The following TBC1D22A variants were observed in gnomAD, a reference collection of about 807,000 sequenced individuals.
TBC1D22A encodes TBC1 domain family member 22A.
Under a neutral mutation model 60.2 loss-of-function variants are expected in TBC1D22A, and 38 were observed. The observed-to-expected ratio is 0.63, with a 90% CI of 0.49 to 0.83. The LOEUF is 0.83. Ranked by LOEUF, TBC1D22A falls within the 40% of genes least tolerant of loss-of-function variation. The probability of loss-of-function intolerance (pLI) is 0.00; values close to 1 mark genes in which losing one functional copy is unlikely to be tolerated. For synonymous variants in TBC1D22A, 302 were observed against 281.7 expected, an observed-to-expected ratio of 1.07 and a Z score of -0.72; for missense variants, 628 against 701.0, an observed-to-expected ratio of 0.90 and a Z score of 1.18.
intron 5 of TBC1D22A, among the ~76,000 whole-genome samples, chr22:46,886,352 A>G (rs1296300181): frequency 1.3e-5 from 2 of 152,174 alleles, no homozygotes; most frequent in African/African-American, 4.8e-5. Context: ...CTTGGCAGCT[A>G]GGCTGTTCTG....
At chr22:46,788,846 C>A (rs559732461) in intron 1 of TBC1D22A, 7 of 152,218 alleles carry the variant, frequency 4.6e-5, no homozygotes, top group African/African-American at 1.7e-4. Flanking sequence ...CTTCAAGGGG[C>A]CAGACTCTTT....
chr22:46,839,883 T>C, intron 4 of TBC1D22A, among the ~76,000 whole-genome samples: 1 of 152,172 alleles, frequency 6.6e-6, no homozygotes, highest in South Asian at 2.1e-4. Context: ...TTGGGAAAAG[T>C]AGATATTCCC....
chr22:46,912,745 C>T (rs1272646785), intron 8 of TBC1D22A, among the ~76,000 whole-genome samples: 7 of 152,138 alleles, frequency 4.6e-5, no homozygotes, highest in South Asian at 2.1e-4. Context: ...TTAGTAGAGA[C>T]GGGCTTTCAC....
intron 12 of TBC1D22A, among the ~76,000 whole-genome samples, chr22:47,167,094 A>G (rs1279773283): frequency 6.6e-6 from 1 of 152,262 alleles, no homozygotes; most frequent in Non-Finnish European, 1.5e-5. Flanking sequence ...TGGATAAGTA[A>G]AAAATAAATC....
chr22:46,912,579 C>T (rs1460243515), intron 8 of TBC1D22A, among the ~76,000 whole-genome samples: 2 of 152,108 alleles, frequency 1.3e-5, no homozygotes, highest in African/African-American at 2.4e-5. Flanking sequence ...TATTTTGAGA[C>T]GGAGTGTTGC....
chr22:46,799,534 T>C (rs2084807645), intron 4 of TBC1D22A, among the ~76,000 whole-genome samples: 1 of 152,362 alleles, frequency 6.6e-6, no homozygotes, highest in East Asian at 1.9e-4. Flanking sequence ...CCACAGTCCA[T>C]AGTCACATTC....
intron 4 of TBC1D22A, among the ~76,000 whole-genome samples, chr22:46,812,793 A>G (rs1211772791): frequency 2.0e-5 from 3 of 152,268 alleles, no homozygotes; most frequent in African/African-American, 4.8e-5. Flanking sequence ...TTCAGTTGAC[A>G]AGAAAACGTT....
chr22:47,172,078 CCT>C (rs2147239761), intron 12 of TBC1D22A, among the ~76,000 whole-genome samples: 1 of 151,248 alleles, frequency 6.6e-6, no homozygotes, highest in Middle Eastern at 3.4e-3. Flanking sequence ...TCCCAGTGAG[CCT>C]ACCCAGCACT....
intron 8 of TBC1D22A, among the ~76,000 whole-genome samples, chr22:46,962,478 C>T (rs1394003496): frequency 6.6e-5 from 10 of 152,336 alleles, no homozygotes; most frequent in East Asian, 1.9e-4. Flanking sequence ...TCTGCTCTTT[C>T]ACCTGCCAAT....
At chr22:47,104,358 C>A (rs1051653265) in intron 11 of TBC1D22A, among the ~76,000 whole-genome samples, 1 of 151,474 alleles carries the variant, frequency 6.6e-6, no homozygotes, top group Non-Finnish European at 1.5e-5. Flanking sequence ...TTCTTCCAGG[C>A]CCTCCCAATC....
At chr22:46,806,494 T>C (rs565292207) in intron 4 of TBC1D22A, among the ~76,000 whole-genome samples, 1 of 150,372 alleles carries the variant, frequency 6.7e-6, no homozygotes, top group Admixed American at 6.6e-5. Context: ...ATTTAAAAAA[T>C]ATTTAAAAAT....
In TBC1D22A at chr22:47,028,483, G is replaced by A. The variant is rs1266771551; in HGVS notation, c.1202-8588G>A. On this transcript the variant is annotated intron_variant, in intron 10 of 12. Coordinates refer to ENST00000337137, the MANE Select transcript of TBC1D22A (RefSeq NM_014346.5). This position sits in a 1 kb window ranked among gnomAD's most constrained non-coding sequence, Gnocchi z 4.4. ...CCCCCACGGCCCAGGTTCTGAGAGC[G>A]AGTGGTCGCATTCCTGTCCCTCGGT... 2.2e-5 allele frequency among the ~76,000 whole-genome samples: 3 copies of A among 137,258 alleles called. No homozygotes were observed. Among genetic ancestry groups the A allele is most frequent in the South Asian group, 2.5e-4 (1 of 4,018 alleles). The allele number at this position is 137,258 out of a possible 152,430, so 90.0% of individuals were successfully genotyped here.
intron 8 of TBC1D22A, among the ~76,000 whole-genome samples, chr22:46,929,083 A>G (rs2071207420): frequency 6.6e-6 from 1 of 152,206 alleles, no homozygotes; most frequent in African/African-American, 2.4e-5. Flanking sequence ...AAATAATTTA[A>G]TTATGTGGTA....
chr22:46,948,726 G>A (rs971350664), intron 8 of TBC1D22A, among the ~76,000 whole-genome samples: 26 of 152,254 alleles, frequency 1.7e-4, no homozygotes, highest in Admixed American at 3.9e-4. Flanking sequence ...GATAGTTGCT[G>A]AAACGGAGCC....
chr22:47,065,117 TC>T (rs1472658185), intron 11 of TBC1D22A, among the ~76,000 whole-genome samples: 3 of 152,166 alleles, frequency 2.0e-5, no homozygotes, highest in Admixed American at 1.3e-4. Context: ...ATTCTCAGCC[TC>T]CCAAGTAGCT....
chr22:46,874,445 A>G (rs1024079012), intron 4 of TBC1D22A, among the ~76,000 whole-genome samples: 42 of 151,914 alleles, frequency 2.8e-4, no homozygotes, highest in Admixed American at 2.6e-3. Flanking sequence ...CACCACCATT[A>G]ATAATCACAA....
intron 12 of TBC1D22A, among the ~76,000 whole-genome samples, chr22:47,153,126 G>A (rs1158308569): frequency 2.0e-5 from 3 of 152,260 alleles, no homozygotes; most frequent in African/African-American, 7.2e-5. Flanking sequence ...GCCTGAGATG[G>A]CTGCTGAAAC....
At chr22:47,111,389 C>CA in intron 11 of TBC1D22A, 119 bp from the exon 12 acceptor site, 1 of 826,400 alleles carries the variant, frequency 1.2e-6, no homozygotes, top group East Asian at 2.6e-5. Flanking sequence ...TGAGTCAACA[C>CA]AAGCTTTGGT....
chr22:46,959,567 C>G (rs1375404161), intron 8 of TBC1D22A, among the ~76,000 whole-genome samples: 1 of 152,182 alleles, frequency 6.6e-6, no homozygotes, highest in African/African-American at 2.4e-5. Context: ...CAGACAGACC[C>G]CAGGAGGGAA....
Sources: gnomAD v4.1 joint callset for allele counts (sites outside exome capture counted in the v4.1 genomes callset) on GRCh38, gnomAD v4.1.1 for gene constraint, Gnocchi (gnomAD v3.1) non-coding constraint, MANE v1.5 for transcripts, NCBI Gene and HGNC (gene_info 2026-07-23, HGNC 2026-07-21) for gene names.